Variants in ANKRD36C observed in about 807,000 individuals in gnomAD.
The protein encoded by ANKRD36C is ankyrin repeat domain 36C, also known as ankyrin repeat domain-containing protein 36C.
ANKRD36C carries 61 observed loss-of-function variants against 276.4 expected under a neutral mutation model. The ratio of observed to expected loss-of-function variants is 0.22; its 90% confidence interval spans 0.18 to 0.27. The LOEUF (loss-of-function observed/expected upper bound fraction) is 0.27, where lower values mean the gene tolerates loss of function less well. ANKRD36C is among the 10% of genes least tolerant of loss of function. The pLI, the probability that ANKRD36C is intolerant of heterozygous loss-of-function variation, is 1.00. For synonymous variants in ANKRD36C, 483 were observed against 680.1 expected, an observed-to-expected ratio of 0.71 and a Z score of 4.51; for missense variants, 1,447 against 2,032.3, an observed-to-expected ratio of 0.71 and a Z score of 5.54.
chr2:95,987,179 A>C (rs1679047107), exon 2 of ANKRD36C: 9 of 1,548,604 alleles, frequency 5.8e-6, no homozygotes, highest in Middle Eastern at 3.4e-4. Context: ...CCGGTTGGCC[A>C]GTGGCACAGG....
At position 95,882,595 on chromosome 2, in the gene ANKRD36C, T is replaced by C; in HGVS notation, c.3266-98A>G. 2.9e-6 allele frequency: 4 copies of C among 1,389,138 alleles called. No individual in the cohort carries two copies. In the South Asian group the frequency reaches 5.5e-5, roughly 19 times the overall value. 86.1% of individuals were successfully genotyped at this position (1,389,138 alleles called of 1,614,324 possible). ...TAGCATCAAGCTGTATCCTCCTGCC[T>C]GTACTAGTGTAGGATTTGATGTTTT... On this transcript the variant is annotated intron_variant, in intron 54 of 66. Coordinates refer to ENST00000456556, the Ensembl canonical transcript of ANKRD36C.
chr2:95,887,710 A>C (rs1676233258), intron 50 of ANKRD36C, among the ~76,000 whole-genome samples: 1 of 151,588 alleles, frequency 6.6e-6, no homozygotes, highest in African/African-American at 2.4e-5. Context: ...TCTTCTTCCC[A>C]ATTTCGATGT....
chr2:95,850,071 GAA>G (rs1449375319), downstream of ANKRD36C, among the ~76,000 whole-genome samples: 2 of 152,284 alleles, frequency 1.3e-5, no homozygotes, highest in African/African-American at 2.4e-5. Flanking sequence ...AGTATATGTT[GAA>G]AAGTTTATCA....
intron 12 of ANKRD36C, 67 bp downstream of exon 12, chr2:95,958,524 A>G: frequency 6.5e-7 from 1 of 1,529,736 alleles, no homozygotes. Flanking sequence ...CTGCTGATTT[A>G]TTCGGGGAAG....
intron 21 of ANKRD36C, 32 bp downstream of exon 21, chr2:95,938,955 A>C (rs1181736461): frequency 4.6e-6 from 7 of 1,536,092 alleles, no homozygotes; most frequent in South Asian, 2.4e-5. Context: ...ATCACAGAGC[A>C]TTTTGTTAAT....
At chr2:95,872,663 A>C (rs1215370659) in intron 59 of ANKRD36C, among the ~76,000 whole-genome samples, 1 of 151,964 alleles carries the variant, frequency 6.6e-6, no homozygotes, top group Non-Finnish European at 1.5e-5. Context: ...AAATAACTAA[A>C]ATCAGAACAG....
In ANKRD36C at chr2:95,982,292, T is replaced by C. The variant is rs1678939131; in HGVS notation, c.557A>G (p.Lys186Arg). 6 of 1,550,820 alleles carry C rather than the reference T, an allele frequency of 3.9e-6. No homozygotes were observed. The Admixed American group carries it at 5.9e-5, about 15-fold the overall frequency. Residue 186 changes from lysine (K) to arginine (R), a missense_variant, in exon 4 of 67, where the codon AAA (lysine) becomes AGA (arginine). Lys to Arg is a conservative substitution (Grantham distance 26, BLOSUM62 2). Coordinates refer to ENST00000456556, the Ensembl canonical transcript of ANKRD36C. The stretch of plus-strand genomic sequence containing the variant: ...ATCAACGGCATTTATATTTGCTTTT[T>C]TCTTTAATAAAAATTCCACCATTTT...
chr2:95,919,375 G>A lies in ANKRD36C; in HGVS notation c.2246-1333C>T, dbSNP rs1212881452. 1.2e-4 allele frequency among the ~76,000 whole-genome samples: 16 copies of A among 133,156 alleles called. 5 individuals are homozygous for A. Among genetic ancestry groups the A allele is most frequent in the Non-Finnish European group, 2.4e-4 (14 of 59,458 alleles). The allele number at this position is 133,156 out of a possible 152,430, so 87.4% of individuals were successfully genotyped here. ...TCTTTTCTTAGCAGTACGATGTGAC[G>A]TCTGTAAAATCTGTACTTCCTCTCT... is the stretch of plus-strand genomic sequence containing the variant. On this transcript the variant is annotated intron_variant, in intron 34 of 66. Transcript: ENST00000456556.
chr2:95,916,084 A>C (rs1419332933), intron 37 of ANKRD36C, 32 bp from the exon 40 acceptor site: 2 of 1,601,136 alleles, frequency 1.2e-6, no homozygotes, highest in Non-Finnish European at 1.7e-6. Context: ...ATAATAAATA[A>C]GGTATGTTTC....
At chr2:95,990,338 G>A (rs1213419086) in intron 1 of ANKRD36C, among the ~76,000 whole-genome samples, 1 of 152,194 alleles carries the variant, frequency 6.6e-6, no homozygotes, top group African/African-American at 2.4e-5. Context: ...TGCAGTTTTC[G>A]CCATTACTTG....
At chr2:95,915,908 C>G in intron 38 of ANKRD36C, 72 bp downstream of exon 40, 2 of 1,501,962 alleles carry the variant, frequency 1.3e-6, no homozygotes, top group Admixed American at 2.0e-5. Context: ...ACCAGCCCCC[C>G]ACTGATTTAT....
chr2:95,917,966 C>A (rs751957964), intron 35 of ANKRD36C, 39 bp from the exon 38 acceptor site: 67 of 1,597,888 alleles, frequency 4.2e-5, no homozygotes, highest in African/African-American at 5.4e-5. Context: ...ATAAATAAAT[C>A]AATGAAGTAT....
chr2:95,908,423 C>T (rs1187920391), intron 42 of ANKRD36C, 79 bp downstream of exon 48: 4 of 1,261,968 alleles, frequency 3.2e-6, no homozygotes, highest in Non-Finnish European at 4.3e-6. Flanking sequence ...TTCAACGAGC[C>T]CCCCGCTGAT....
chr2:95,990,384 A>T (rs1475129828), intron 1 of ANKRD36C, among the ~76,000 whole-genome samples: 1 of 152,150 alleles, frequency 6.6e-6, no homozygotes, highest in Non-Finnish European at 1.5e-5. Flanking sequence ...TTTTGCACCA[A>T]CCTAATAAAT....
chr2:95,850,030 A>C (rs1675256338), downstream of ANKRD36C, among the ~76,000 whole-genome samples: 1 of 152,286 alleles, frequency 6.6e-6, no homozygotes, highest in African/African-American at 2.4e-5. Flanking sequence ...TTCTTTATCT[A>C]AATGATTTCA....
At chr2:95,856,299 T>G in intron 62 of ANKRD36C, 119 bp from the exon 83 acceptor site, 1 of 1,529,746 alleles carries the variant, frequency 6.5e-7, no homozygotes, top group Non-Finnish European at 8.7e-7. Flanking sequence ...TAACTGGATA[T>G]CTAACTGGGA....
At chr2:95,961,229 A>G (rs558068694) in intron 8 of ANKRD36C, among the ~76,000 whole-genome samples, 25 of 152,226 alleles carry the variant, frequency 1.6e-4, no homozygotes, top group African/African-American at 5.8e-4. Flanking sequence ...ATCCTAGCAT[A>G]TAATATTCTT....
intron 42 of ANKRD36C, among the ~76,000 whole-genome samples, chr2:95,909,098 C>G (rs1167817888): frequency 1.3e-5 from 2 of 149,308 alleles, no homozygotes; most frequent in African/African-American, 2.5e-5. Context: ...GGATTTACAC[C>G]ATTATACTAC....
At chr2:95,963,978 T>A (rs867115994) in intron 6 of ANKRD36C, among the ~76,000 whole-genome samples, 17 of 12,782 alleles carry the variant, frequency 1.3e-3, no homozygotes, top group African/African-American at 4.7e-3. Flanking sequence ...TATAAATATA[T>A]ATATATATAT....
Sources: gnomAD v4.1 joint callset for allele counts (sites outside exome capture counted in the v4.1 genomes callset) on GRCh38, gnomAD v4.1.1 for gene constraint, MANE v1.5 for transcripts, NCBI Gene and HGNC (gene_info 2026-07-23, HGNC 2026-07-21) for gene names.